Variants in SPAG17 observed in about 807,000 individuals in gnomAD.
SPAG17 encodes the protein sperm associated antigen 17.
Under a neutral mutation model 273.6 loss-of-function variants are expected in SPAG17, and 169 were observed. The ratio of observed to expected loss-of-function variants is 0.62; its 90% CI spans 0.55 to 0.70. The LOEUF is 0.70. Among genes scored for constraint, SPAG17 ranks in the 30% least tolerant of loss-of-function variants. The pLI, the probability that SPAG17 is intolerant of heterozygous loss-of-function variation, is 0.00. For synonymous variants in SPAG17, 825 were observed against 873.2 expected, an observed-to-expected ratio of 0.94 and a Z score of 0.97; for missense variants, 2,557 against 2,627.8, an observed-to-expected ratio of 0.97 and a Z score of 0.59.
At chr1:118,031,618 A>G (rs569547423) in intron 25 of SPAG17, 74 bp downstream of exon 25, 4 of 1,456,870 alleles carry the variant, frequency 2.7e-6, no homozygotes, top group African/African-American at 1.4e-5. Context: ...CACTATTGAC[A>G]TAAGTCATGG....
intron 20 of SPAG17, among the ~76,000 whole-genome samples, chr1:118,042,999 A>C (rs1003783617): frequency 1.3e-5 from 2 of 152,240 alleles, no homozygotes; most frequent in Non-Finnish European, 2.9e-5. Flanking sequence ...AAATCACAAA[A>C]CATGCAGAAA....
At chr1:118,011,983 T>G (rs1177091250) in intron 30 of SPAG17, among the ~76,000 whole-genome samples, 1 of 151,898 alleles carries the variant, frequency 6.6e-6, no homozygotes, top group Non-Finnish European at 1.5e-5. Context: ...ATATACACAA[T>G]ATCTGTCAAT....
chr1:118,047,313 C>G (rs890808615), intron 20 of SPAG17, among the ~76,000 whole-genome samples: 3 of 152,178 alleles, frequency 2.0e-5, no homozygotes, highest in Admixed American at 1.3e-4. Context: ...AACACCTTCA[C>G]AAGAGCCAGG....
Position 118,015,980 on chromosome 1 carries a change from A to C in SPAG17, c.4272T>G (p.Asp1424Glu). ...LTPLLSFQATDPVNGTVMTTR... is the reference protein window; with the variant it reads ...LTPLLSFQATEPVNGTVMTTR... Reference sequence around the variant, plus strand: ...TTTGTCATACCGTTCCATTGACAGGATCTGTGGCCTGAAAGGATAACAATG... The same window carrying C: ...TTTGTCATACCGTTCCATTGACAGGCTCTGTGGCCTGAAAGGATAACAATG... The change falls in exon 29 of 49, where the codon GAT becomes GAG. Residue 1424 changes from aspartate to glutamate, a missense_variant. Physicochemically the swap from Asp to Glu is conservative, Grantham distance 45. Coordinates refer to ENST00000336338, the MANE Select transcript of SPAG17 (RefSeq NM_206996.4). 6.2e-7 allele frequency: 1 copy of C among 1,613,958 alleles called. No individual in the cohort carries two copies. Among genetic ancestry groups the C allele is most frequent in the South Asian group, 1.1e-5 (1 of 91,066 alleles).
At chr1:118,046,491 T>C (rs1396056333) in intron 20 of SPAG17, among the ~76,000 whole-genome samples, 1 of 152,078 alleles carries the variant, frequency 6.6e-6, no homozygotes, top group Non-Finnish European at 1.5e-5. Flanking sequence ...AAAAAAATAT[T>C]TCATTAAGTT....
chr1:118,046,487 AT>A (rs1480695174), intron 20 of SPAG17, among the ~76,000 whole-genome samples: 2 of 152,138 alleles, frequency 1.3e-5, no homozygotes, highest in African/African-American at 4.8e-5. Flanking sequence ...AAAGAAAAAA[AT>A]ATTTCATTAA....
Position 118,141,754 on chromosome 1 carries a change from T to A in SPAG17, c.315+8789A>T, listed in dbSNP as rs907482417. ...TAATAAGCAGTGTGAAAATCATCTT[T>A]TTACATAAACATGAAATTTTATTTT... On this transcript the variant is annotated intron_variant, in intron 3 of 48. Coordinates refer to ENST00000336338, the MANE Select transcript of SPAG17 (RefSeq NM_206996.4). Among the ~76,000 whole-genome samples, 7 of 152,332 alleles carry A rather than the reference T, an allele frequency of 4.6e-5. No individual in the cohort carries two copies. The East Asian group carries it at 1.3e-3, about 29-fold the overall frequency.
chr1:118,110,575 C>G (rs28711542), intron 4 of SPAG17, among the ~76,000 whole-genome samples: 10,600 of 152,166 alleles, frequency 0.07, 523 homozygotes, highest in East Asian at 0.26. Flanking sequence ...GCCATTTCTG[C>G]GTGGGGGGCA....
At chr1:118,062,860 T>C (rs1481133804) in intron 18 of SPAG17, among the ~76,000 whole-genome samples, 4 of 152,162 alleles carry the variant, frequency 2.6e-5, no homozygotes, top group Non-Finnish European at 5.9e-5. Context: ...ACAGAGCAAG[T>C]ATTAATGAAT....
At chr1:118,084,546 T>C (rs1025937028) in intron 13 of SPAG17, among the ~76,000 whole-genome samples, 3 of 152,232 alleles carry the variant, frequency 2.0e-5, no homozygotes, top group South Asian at 2.1e-4. Flanking sequence ...CTAGATATTG[T>C]ATCTTAATGA....
At chr1:118,018,609 G>A (rs1056605700) in intron 28 of SPAG17, among the ~76,000 whole-genome samples, 1 of 151,408 alleles carries the variant, frequency 6.6e-6, no homozygotes, top group African/African-American at 2.4e-5. Flanking sequence ...AAGGTAGGAG[G>A]ATTGCTTAAG....
chr1:118,008,848 T>A (rs1424879551), intron 30 of SPAG17, among the ~76,000 whole-genome samples: 1 of 152,212 alleles, frequency 6.6e-6, no homozygotes, highest in African/African-American at 2.4e-5. Flanking sequence ...ATATATTTAT[T>A]TGTGTGTGTA....
intron 34 of SPAG17, 68 bp downstream of exon 34, chr1:117,996,302 C>A: frequency 6.6e-7 from 1 of 1,503,942 alleles, no homozygotes; most frequent in Non-Finnish European, 8.9e-7. Flanking sequence ...TGAAGATAGA[C>A]TGGATAGTAA....
intron 13 of SPAG17, among the ~76,000 whole-genome samples, chr1:118,082,047 C>A (rs1011347894): frequency 7.9e-5 from 12 of 152,118 alleles, no homozygotes; most frequent in African/African-American, 2.4e-4. Context: ...CTAATATAGG[C>A]TATTATATTG....
chr1:117,988,975 TA>T lies in SPAG17; in HGVS notation c.5522-772del, dbSNP rs562328165. ...TGTTTATTTCCTGGAACTGTTTGTT[TA>T]AAAAAATACGTTAGTTTGTATTTCA... On this transcript the variant is annotated intron_variant, in intron 38 of 48. Coordinates refer to ENST00000336338, the MANE Select transcript of SPAG17 (RefSeq NM_206996.4). 2.6e-5 allele frequency among the ~76,000 whole-genome samples: 4 copies of T among 152,312 alleles called. No homozygotes were observed. In the South Asian group the frequency reaches 8.3e-4, roughly 32 times the overall value.
Position 118,101,756 on chromosome 1 carries a change from G to A in SPAG17, c.618C>T (p.His206=), listed in dbSNP as rs1445057163. The A allele has an allele frequency of 6.2e-7, 1 of 1,613,548 alleles. No individual in the cohort carries two copies. The highest frequency in any genetic ancestry group is 8.5e-7 in the Non-Finnish European group (1 of 1,179,864). The change falls in exon 5 of 49, where the codon CAC becomes CAT. Residue 206 remains histidine (H), a synonymous_variant. Coordinates refer to ENST00000336338, the MANE Select transcript of SPAG17 (RefSeq NM_206996.4). ...TQLKRRGEDD[H]TNRYIDDEPD... is the part of the protein sequence containing the mutation. ...CTTACTGACCAATGTAACGATTGGT[G>A]TGGTCGTCTTCTCCTCTCCGCTTTA...
chr1:118,107,300 T>C (rs1656459229), intron 4 of SPAG17, among the ~76,000 whole-genome samples: 1 of 152,074 alleles, frequency 6.6e-6, no homozygotes, highest in Non-Finnish European at 1.5e-5. Flanking sequence ...TCACACTTGC[T>C]TGATGCCCTT....
chr1:118,172,683 G>C (rs916659181), intron 1 of SPAG17, among the ~76,000 whole-genome samples: 1 of 152,060 alleles, frequency 6.6e-6, no homozygotes, highest in African/African-American at 2.4e-5. Context: ...AACACATATG[G>C]GAACAAAAGG....
chr1:118,085,492 T>G (rs892347248), intron 13 of SPAG17, among the ~76,000 whole-genome samples: 2 of 146,602 alleles, frequency 1.4e-5, no homozygotes, highest in African/African-American at 4.9e-5. Flanking sequence ...AGCATTGTCC[T>G]GGAAATTATA....
Sources: gnomAD v4.1 joint callset for allele counts (sites outside exome capture counted in the v4.1 genomes callset) on GRCh38, gnomAD v4.1.1 for gene constraint, MANE v1.5 for transcripts, NCBI Gene and HGNC (gene_info 2026-07-23, HGNC 2026-07-21) for gene names.